Variants in PIKFYVE observed in about 807,000 individuals in gnomAD.
PIKFYVE encodes the protein 1-phosphatidylinositol 3-phosphate 5-kinase.
Under a neutral mutation model 257.9 loss-of-function variants are expected in PIKFYVE, and 122 were observed. The ratio of observed to expected loss-of-function variants is 0.47; its 90% confidence interval spans 0.41 to 0.55. The LOEUF (loss-of-function observed/expected upper bound fraction) is 0.55. PIKFYVE is among the 20% of genes least tolerant of loss of function. PIKFYVE has a pLI of 0.00. For synonymous variants in PIKFYVE, 892 were observed against 868.9 expected, an observed-to-expected ratio of 1.03 and a Z score of -0.47; for missense variants, 2,160 against 2,536.6, an observed-to-expected ratio of 0.85 and a Z score of 3.19.
At chr2:208,282,274 A>G (rs1690910221) in intron 5 of PIKFYVE, among the ~76,000 whole-genome samples, 1 of 152,244 alleles carries the variant, frequency 6.6e-6, no homozygotes, top group Non-Finnish European at 1.5e-5. Flanking sequence ...TAATCAGCTT[A>G]GAGAACCAAT....
intron 5 of PIKFYVE, among the ~76,000 whole-genome samples, chr2:208,279,299 G>A (rs924962034): frequency 6.6e-6 from 1 of 152,058 alleles, no homozygotes; most frequent in Non-Finnish European, 1.5e-5. Flanking sequence ...GTGGATATTA[G>A]ATCTTTGTCA....
At chr2:208,293,620 T>C (rs1229894709) in intron 7 of PIKFYVE, among the ~76,000 whole-genome samples, 1 of 152,040 alleles carries the variant, frequency 6.6e-6, no homozygotes, top group Non-Finnish European at 1.5e-5. Context: ...TTTGCTTGCG[T>C]GGCTTCTGAG....
At chr2:208,348,163 T>A in intron 35 of PIKFYVE, 140 bp downstream of exon 35, 1 of 1,127,884 alleles carries the variant, frequency 8.9e-7, no homozygotes, top group Non-Finnish European at 1.3e-6. Context: ...GTCAGTGTGG[T>A]AGAGTGGAAA....
intron 27 of PIKFYVE, among the ~76,000 whole-genome samples, chr2:208,336,528 C>T (rs909248191): frequency 6.6e-6 from 1 of 151,786 alleles, no homozygotes; most frequent in Non-Finnish European, 1.5e-5. Flanking sequence ...GGTTTTTGGC[C>T]AGCAATTTCA....
At chr2:208,354,517 G>C in intron 40 of PIKFYVE, 54 bp from the exon 41 acceptor site, 1 of 1,429,482 alleles carries the variant, frequency 7.0e-7, no homozygotes, top group Non-Finnish European at 9.9e-7. Flanking sequence ...GTTGTCATTT[G>C]ATTATATTTA....
At chr2:208,276,682 CA>C in intron 3 of PIKFYVE, 29 bp from the exon 4 acceptor site, 1 of 1,529,752 alleles carries the variant, frequency 6.5e-7, no homozygotes, top group Non-Finnish European at 9.1e-7. Context: ...GGACTGTTAA[CA>C]AGGTTGCTTT....
At position 208,346,032 on chromosome 2, in the gene PIKFYVE, T is replaced by C; in HGVS notation, c.5112-18T>C. The C allele has an allele frequency of 6.3e-7, 1 of 1,595,406 alleles. No individual in the cohort carries two copies. The highest frequency in any genetic ancestry group is 8.6e-7 in the Non-Finnish European group (1 of 1,163,558). ...TTGTATAAAACTAAATTTTTCTTTTTTTTTCTTTTCATTTTAGTACTTCAG... is the reference window on the plus strand; with the variant it reads ...TTGTATAAAACTAAATTTTTCTTTTCTTTTCTTTTCATTTTAGTACTTCAG... On this transcript the variant is annotated intron_variant, in intron 33 of 41. Transcript: ENST00000264380.
intron 2 of PIKFYVE, among the ~76,000 whole-genome samples, chr2:208,271,996 A>C (rs907837364): frequency 2.0e-5 from 3 of 152,160 alleles, no homozygotes; most frequent in African/African-American, 7.2e-5. Context: ...GCACTTTGGG[A>C]GGCTGAGGCG....
intron 20 of PIKFYVE, among the ~76,000 whole-genome samples, chr2:208,327,964 G>A (rs1460584725): frequency 6.6e-6 from 1 of 152,090 alleles, no homozygotes; most frequent in East Asian, 1.9e-4. Flanking sequence ...TCTAGACATT[G>A]TTTTGTATTT....
Position 208,315,270 on chromosome 2 carries a change from A to T in PIKFYVE, c.1904A>T (p.Asp635Val), listed in dbSNP as rs1453705952. ...HSDSLSSSWR[D>V]IIVSLVCQVV... ...GACTCACTGTCATCATCTTGGAGGG[A>T]CATCATCGTGTCATTGGTCTGCCAG... The change falls in exon 15 of 42, where the codon GAC becomes GTC. Residue 635 changes from aspartate (D) to valine (V), a missense_variant. By Grantham distance (152) the Asp-to-Val change is radical. Transcript: ENST00000264380. 3 of 1,614,136 alleles carry T rather than the reference A, an allele frequency of 1.9e-6. No individual in the cohort carries two copies. Among genetic ancestry groups the T allele is most frequent in the South Asian group, 2.2e-5 (2 of 91,080 alleles).
At chr2:208,328,773 G>A (rs67965883) in intron 21 of PIKFYVE, among the ~76,000 whole-genome samples, 22,186 of 152,108 alleles carry the variant, frequency 0.15, 1,767 homozygotes, top group African/African-American at 0.19. Context: ...CCACCAGAAA[G>A]CAAAGGTTTC....
intron 5 of PIKFYVE, among the ~76,000 whole-genome samples, chr2:208,284,342 C>T (rs1254381776): frequency 6.6e-6 from 1 of 151,384 alleles, no homozygotes; most frequent in Non-Finnish European, 1.5e-5. Flanking sequence ...CTCACTGCAA[C>T]CTCTGCCTCC....
chr2:208,338,147 A>G (rs537344382), intron 28 of PIKFYVE, among the ~76,000 whole-genome samples: 3 of 152,082 alleles, frequency 2.0e-5, no homozygotes, highest in African/African-American at 4.8e-5. Flanking sequence ...GCTATTTTCT[A>G]TTTAGCTAGA....
intron 7 of PIKFYVE, among the ~76,000 whole-genome samples, chr2:208,296,115 G>C (rs992216352): frequency 6.6e-6 from 1 of 151,606 alleles, no homozygotes; most frequent in Non-Finnish European, 1.5e-5. Flanking sequence ...AGCAATTCTT[G>C]TGCCTCAGTC....
chr2:208,354,672 G>T (rs747162923), intron 41 of PIKFYVE, 27 bp downstream of exon 41: 2 of 1,553,082 alleles, frequency 1.3e-6, no homozygotes, highest in Non-Finnish European at 1.8e-6. Context: ...TGTTTAAATT[G>T]TTCACATGTA....
At chr2:208,307,465 C>T (rs1052116041) in intron 12 of PIKFYVE, among the ~76,000 whole-genome samples, 1 of 152,020 alleles carries the variant, frequency 6.6e-6, no homozygotes, top group Non-Finnish European at 1.5e-5. Context: ...AAACTGTATG[C>T]CAGGTTGTTG....
intron 15 of PIKFYVE, 138 bp from the exon 16 acceptor site, chr2:208,317,729 T>A (rs1163618411): frequency 3.9e-6 from 3 of 775,168 alleles, no homozygotes; most frequent in Non-Finnish European, 6.6e-6. Context: ...TGAAAGGAAG[T>A]ATTATTTCCT....
At chr2:208,327,855 C>G (rs1697112079) in intron 20 of PIKFYVE, among the ~76,000 whole-genome samples, 1 of 152,262 alleles carries the variant, frequency 6.6e-6, no homozygotes, top group African/African-American at 2.4e-5. Context: ...TATATCCCAT[C>G]AGTTCAGACT....
rs377577276 is a variant in PIKFYVE at position 208,271,493 on chromosome 2, G to C, written c.-9-18G>C. ...TCCTGAGGAATTTAGATTTTTGCTT[G>C]TTTCTTTTGTTTTTCAGACTCATGA... On this transcript the variant is annotated intron_variant, in intron 1 of 41. Transcript: ENST00000264380. 3.7e-6 allele frequency: 6 copies of C among 1,613,268 alleles called. No individual in the cohort carries two copies. Among genetic ancestry groups the C allele is most frequent in the Non-Finnish European group, 4.2e-6 (5 of 1,179,454 alleles).
Sources: gnomAD v4.1 joint callset for allele counts (sites outside exome capture counted in the v4.1 genomes callset) on GRCh38, gnomAD v4.1.1 for gene constraint, MANE v1.5 for transcripts, NCBI Gene and HGNC (gene_info 2026-07-23, HGNC 2026-07-21) for gene names.